Variants in CYTH3 observed in about 807,000 individuals in gnomAD.
The protein encoded by CYTH3 is cytohesin-3.
A neutral mutation model predicts 55.1 loss-of-function variants in CYTH3; 23 were observed. The observed-to-expected ratio is 0.42, with a 90% CI of 0.30 to 0.59. CYTH3 has a LOEUF of 0.59. Ranked by LOEUF, CYTH3 falls within the 20% of genes least tolerant of loss-of-function variation. The pLI, the probability that CYTH3 is intolerant of heterozygous loss-of-function variation, is 0.20. For missense variants in CYTH3, 413 were observed against 524.8 expected (o/e 0.79, Z 2.08); for synonymous variants, 249 against 194.9 (o/e 1.28, Z -2.31).
chr7:6,245,828 T>C (rs1052023291), intron 1 of CYTH3, among the ~76,000 whole-genome samples: 4 of 152,052 alleles, frequency 2.6e-5, no homozygotes, highest in African/African-American at 9.7e-5. Flanking sequence ...CACCTGAACT[T>C]AGGAGGTCAA....
chr7:6,202,338 C>T (rs1784074924), intron 1 of CYTH3, among the ~76,000 whole-genome samples: 1 of 152,232 alleles, frequency 6.6e-6, no homozygotes, highest in Non-Finnish European at 1.5e-5. Context: ...CTGGGACGGG[C>T]TCAGCCCCCG....
intron 1 of CYTH3, among the ~76,000 whole-genome samples, chr7:6,204,108 T>C (rs1237320580): frequency 6.6e-6 from 1 of 151,926 alleles, no homozygotes; most frequent in Non-Finnish European, 1.5e-5. Context: ...TAAATAAAGA[T>C]TCTAAGTGAG....
Position 6,164,881 on chromosome 7 carries a change from GGCC to G in CYTH3, c.*60_*62del. The G allele has an allele frequency of 6.3e-7, 1 of 1,592,104 alleles. No homozygotes were observed. The highest frequency in any genetic ancestry group is 1.1e-5 in the South Asian group (1 of 90,560). On this transcript the variant is annotated 3_prime_UTR_variant, in exon 13 of 13. Transcript: ENST00000350796. ...CTCCCTGCCACGCCTTCCGCGGAGG[GGCC>G]GCCCGCGGTGTCTTTCTGCTGGGGT...
At chr7:6,265,913 C>T (rs1780480356) in intron 1 of CYTH3, among the ~76,000 whole-genome samples, 1 of 150,264 alleles carries the variant, frequency 6.7e-6, no homozygotes, top group African/African-American at 2.5e-5. Context: ...GATGGAGAGA[C>T]TTACCAGTAA....
At position 6,239,226 on chromosome 7, in the gene CYTH3, C is replaced by A. The variant is rs371697015; in HGVS notation, c.34+33248G>T. 7.9e-5 allele frequency among the ~76,000 whole-genome samples: 12 copies of A among 152,004 alleles called. No homozygotes were observed. In the East Asian group the frequency reaches 1.9e-3, roughly 24 times the overall value. On this transcript the variant is annotated intron_variant, in intron 1 of 12. Coordinates refer to ENST00000350796, the MANE Select transcript of CYTH3 (RefSeq NM_004227.4). Reference sequence around the variant, plus strand: ...AACCTTTATACTTCATCAAGACAACCTTTATATTTGTTGAGAGGGGAGGGG... The same window carrying A: ...AACCTTTATACTTCATCAAGACAACATTTATATTTGTTGAGAGGGGAGGGG...
chr7:6,186,247 A>AC (rs1783645973), intron 4 of CYTH3, among the ~76,000 whole-genome samples: 1 of 150,006 alleles, frequency 6.7e-6, no homozygotes, highest in Non-Finnish European at 1.5e-5. Flanking sequence ...CTATCTCAAA[A>AC]AAAAAAAAAA....
intron 1 of CYTH3, among the ~76,000 whole-genome samples, chr7:6,221,439 G>A (rs975188274): frequency 3.9e-5 from 6 of 152,198 alleles, no homozygotes; most frequent in Non-Finnish European, 5.9e-5. Context: ...GACAACTGGG[G>A]TAGTAGGAGG....
chr7:6,188,175 A>C (rs1783703918), intron 2 of CYTH3, among the ~76,000 whole-genome samples: 1 of 151,940 alleles, frequency 6.6e-6, no homozygotes, highest in South Asian at 2.1e-4. Context: ...AAAAAGAAAA[A>C]CAGAAAAATT....
intron 1 of CYTH3, among the ~76,000 whole-genome samples, chr7:6,221,208 G>C (rs900562729): frequency 6.6e-6 from 1 of 152,066 alleles, no homozygotes; most frequent in African/African-American, 2.4e-5. Context: ...CCATACCATG[G>C]AATATTATCT....
intron 4 of CYTH3, among the ~76,000 whole-genome samples, chr7:6,178,294 T>C (rs2128540481): frequency 6.6e-6 from 1 of 152,384 alleles, no homozygotes; most frequent in African/African-American, 2.4e-5. Flanking sequence ...GAGGAAAACT[T>C]TGTGGGTGGT....
At chr7:6,231,667 G>A (rs953979381) in intron 1 of CYTH3, among the ~76,000 whole-genome samples, 5 of 152,170 alleles carry the variant, frequency 3.3e-5, no homozygotes, top group African/African-American at 1.2e-4. Context: ...ATAGTTTACT[G>A]CATTCTCTCA....
At chr7:6,219,209 ATAGCTGAATTATCTCC>A (rs1784492657) in intron 1 of CYTH3, among the ~76,000 whole-genome samples, 1 of 152,186 alleles carries the variant, frequency 6.6e-6, no homozygotes. Flanking sequence ...AGCAGAAAAC[ATAGCTGAATTATCTCC>A]TACAACTGTG....
chr7:6,182,834 C>T (rs1487491467), intron 4 of CYTH3, among the ~76,000 whole-genome samples: 1 of 152,194 alleles, frequency 6.6e-6, no homozygotes, highest in Non-Finnish European at 1.5e-5. Context: ...AAGTCTGTTT[C>T]CTCCAGCCTT....
chr7:6,209,995 C>A (rs1784287811), intron 1 of CYTH3, among the ~76,000 whole-genome samples: 1 of 152,110 alleles, frequency 6.6e-6, no homozygotes, highest in African/African-American at 2.4e-5. Context: ...CAGGGGACTC[C>A]TGGTTGGTGA....
At chr7:6,172,657 G>A (rs1386920733) in intron 6 of CYTH3, 5 of 1,004,634 alleles carry the variant, frequency 5.0e-6, no homozygotes, top group Non-Finnish European at 4.9e-6. Flanking sequence ...TCCGGCTCTC[G>A]CCAGAGACTG....
chr7:6,188,362 A>G (rs551178734), intron 2 of CYTH3, among the ~76,000 whole-genome samples: 1 of 151,914 alleles, frequency 6.6e-6, no homozygotes, highest in African/African-American at 2.4e-5. Flanking sequence ...AAAACAAAAA[A>G]AAAAAGCCCA....
rs1783029337 is a variant in CYTH3, at chr7:6,167,011, A to C, written c.824-1201T>G. On this transcript the variant is annotated intron_variant, in intron 9 of 12. Transcript: ENST00000350796. This position sits in a 1 kb window ranked among gnomAD's most constrained non-coding sequence, Gnocchi z 5.5. ...CCCCAGCCCTCAGACCCTGCCCCCA[A>C]CATCTCTCCTGAGCCCTGGCGGGGC... is the stretch of plus-strand genomic sequence containing the variant. 6.6e-6 allele frequency among the ~76,000 whole-genome samples: 1 copy of C among 151,770 alleles called. No homozygotes were observed. The highest frequency in any genetic ancestry group is 1.5e-5 in the Non-Finnish European group (1 of 67,902).
Position 6,170,912 on chromosome 7 carries a change from C to G in CYTH3, c.629G>C (p.Arg210Pro). The G allele has an allele frequency of 6.2e-7, 1 of 1,614,006 alleles. No individual in the cohort carries two copies. The highest frequency in any genetic ancestry group is 8.5e-7 in the Non-Finnish European group (1 of 1,179,936). The change falls in exon 8 of 13, where the codon CGT becomes CCT. Residue 210 changes from arginine to proline, a missense_variant. This residue lies in a region of CYTH3 where 156 missense variants were observed against 233.1 expected (regional missense o/e 0.67). Coordinates refer to ENST00000350796, the MANE Select transcript of CYTH3 (RefSeq NM_004227.4). The surrounding 1 kb of genome is among the most constrained non-coding windows in gnomAD (Gnocchi z 7.8). ...LNTSLHNHNV[R>P]DKPTAERFIA... Reference sequence around the variant, plus strand: ...GAACCGTTCTGCCGTGGGCTTGTCACGCACGTTGTGGTTGTGGAGGCTGGT... The same window carrying G: ...GAACCGTTCTGCCGTGGGCTTGTCAGGCACGTTGTGGTTGTGGAGGCTGGT...
At chr7:6,210,855 T>A (rs1408877420) in intron 1 of CYTH3, among the ~76,000 whole-genome samples, 1 of 152,212 alleles carries the variant, frequency 6.6e-6, no homozygotes, top group South Asian at 2.1e-4. Context: ...TAAGAGTTGT[T>A]ACACTTAAAA....
Sources: gnomAD v4.1 joint callset for allele counts (sites outside exome capture counted in the v4.1 genomes callset) on GRCh38, gnomAD v4.1.1 for gene constraint, gnomAD v4.1.1 regional missense constraint, Gnocchi (gnomAD v3.1) non-coding constraint, MANE v1.5 for transcripts, NCBI Gene and HGNC (gene_info 2026-07-23, HGNC 2026-07-21) for gene names.